THSD7A: variants seen among roughly 807,000 people sequenced by gnomAD.
The protein encoded by THSD7A is thrombospondin type 1 domain containing 7A.
In THSD7A, 96 loss-of-function variants were observed where a neutral mutation model predicts 231.3. The observed-to-expected ratio is 0.41, with a 90% CI of 0.35 to 0.49. The LOEUF is 0.49. Among genes scored for constraint, THSD7A ranks in the 20% least tolerant of loss-of-function variants. The pLI is 0.05. For synonymous variants in THSD7A, 940 were observed against 743.3 expected (o/e 1.26, Z -4.30); for missense variants, 2,290 against 2,070.2 (o/e 1.11, Z -2.06).
chr7:11,806,254 G>T (rs1455869035), intron 1 of THSD7A, among the ~76,000 whole-genome samples: 2 of 152,044 alleles, frequency 1.3e-5, no homozygotes, highest in Non-Finnish European at 2.9e-5. Context: ...ATTTTTCATT[G>T]TGCTCAAACC....
At chr7:11,754,710 C>T (rs981391366) in intron 1 of THSD7A, among the ~76,000 whole-genome samples, 1 of 152,006 alleles carries the variant, frequency 6.6e-6, no homozygotes, top group East Asian at 1.9e-4. Context: ...ATTGTAATGG[C>T]CATATAATGT....
At chr7:11,808,430 C>T (rs759828278) in intron 1 of THSD7A, among the ~76,000 whole-genome samples, 3 of 152,130 alleles carry the variant, frequency 2.0e-5, no homozygotes, top group Non-Finnish European at 4.4e-5. Context: ...ACACCTTGGT[C>T]TTTGACTTCC....
rs192011396 is a variant in THSD7A at position 11,745,152 on chromosome 7, G to A, written c.190+86605C>T. Among the ~76,000 whole-genome samples the A allele has an allele frequency of 1.1e-3, 169 of 152,154 alleles. 4 individuals carry two copies. In the East Asian group the frequency reaches 0.028, roughly 25 times the overall value. ...TCGCCACTCTAACTGGTGTGAGATG[G>A]TATCTCATTGTGGTTTTGATTTGCA... On this transcript the variant is annotated intron_variant, in intron 1 of 27. Transcript: ENST00000423059.
chr7:11,491,944 C>T (rs1456566417), intron 6 of THSD7A, among the ~76,000 whole-genome samples: 4 of 152,002 alleles, frequency 2.6e-5, no homozygotes, highest in Middle Eastern at 3.2e-3. Context: ...GGTTATCTCA[C>T]ACTTTTTTCT....
intron 1 of THSD7A, among the ~76,000 whole-genome samples, chr7:11,746,250 A>T (rs1459720247): frequency 6.6e-6 from 1 of 151,978 alleles, no homozygotes; most frequent in African/African-American, 2.4e-5. Flanking sequence ...CAGAGTTCCC[A>T]TATAGCCCTC....
At chr7:11,807,463 T>C (rs1784427824) in intron 1 of THSD7A, among the ~76,000 whole-genome samples, 1 of 152,158 alleles carries the variant, frequency 6.6e-6, no homozygotes, top group East Asian at 1.9e-4. Context: ...CCTGCTTTCT[T>C]ACAGATGATA....
intron 1 of THSD7A, among the ~76,000 whole-genome samples, chr7:11,662,648 A>G (rs1782973649): frequency 6.6e-6 from 1 of 151,416 alleles, no homozygotes; most frequent in Non-Finnish European, 1.5e-5. Context: ...AACATTGACC[A>G]AGATTGGTCA....
Position 11,590,310 on chromosome 7 carries a change from G to A in THSD7A, c.1453+150C>T. ...TTAAATATTTTCACAACCATAATGT[G>A]GATTACTGTTTACCATAGTGAATAC... On this transcript the variant is annotated intron_variant, in intron 4 of 27. Coordinates refer to ENST00000423059, the MANE Select transcript of THSD7A (RefSeq NM_015204.3). This position sits in a 1 kb window ranked among gnomAD's most constrained non-coding sequence, Gnocchi z 4.4. The A allele has an allele frequency of 3.2e-6, 2 of 630,092 alleles. No individual in the cohort carries two copies. Among genetic ancestry groups the A allele is most frequent in the Non-Finnish European group, 5.0e-6 (2 of 402,130 alleles). 39.0% of individuals were successfully genotyped at this position (630,092 alleles called of 1,614,324 possible).
At chr7:11,543,852 A>G (rs1789257360) in intron 4 of THSD7A, among the ~76,000 whole-genome samples, 1 of 152,088 alleles carries the variant, frequency 6.6e-6, no homozygotes, top group Non-Finnish European at 1.5e-5. Flanking sequence ...TCTTTTGTAT[A>G]TACTTGACAG....
At chr7:11,803,341 G>A (rs1227605275) in intron 1 of THSD7A, among the ~76,000 whole-genome samples, 1 of 152,168 alleles carries the variant, frequency 6.6e-6, no homozygotes, top group Non-Finnish European at 1.5e-5. Flanking sequence ...CACATGTGAT[G>A]TATCAAGTAA....
At chr7:11,641,080 G>A (rs1198168361) in intron 1 of THSD7A, among the ~76,000 whole-genome samples, 1 of 152,036 alleles carries the variant, frequency 6.6e-6, no homozygotes, top group Non-Finnish European at 1.5e-5. Context: ...TAGAAATATT[G>A]ACAAGTGTTA....
Position 11,444,590 on chromosome 7 carries a change from C to A in THSD7A, c.3064+1471G>T, listed in dbSNP as rs1450448821. ...GCACAGGGAGGGGAACATCACACAC[C>A]GGGGTCTGTCAGGGGATGGGGGGCA... On this transcript the variant is annotated intron_variant, in intron 13 of 27. Coordinates refer to ENST00000423059, the MANE Select transcript of THSD7A (RefSeq NM_015204.3). The surrounding 1 kb of genome is among the most constrained non-coding windows in gnomAD (Gnocchi z 4.2). Among the ~76,000 whole-genome samples, 1 of 151,582 alleles carries A rather than the reference C, an allele frequency of 6.6e-6. No homozygotes were observed. Among genetic ancestry groups the A allele is most frequent in the Non-Finnish European group, 1.5e-5 (1 of 67,892 alleles).
At chr7:11,440,860 T>C (rs1160368549) in intron 13 of THSD7A, among the ~76,000 whole-genome samples, 1 of 152,172 alleles carries the variant, frequency 6.6e-6, no homozygotes, top group East Asian at 1.9e-4. Flanking sequence ...AAAGCAGTAG[T>C]AGGGTTTGAG....
rs553940446 is a variant in THSD7A, at chr7:11,583,611, T to G, written c.1453+6849A>C. On this transcript the variant is annotated intron_variant, in intron 4 of 27. Coordinates refer to ENST00000423059, the MANE Select transcript of THSD7A (RefSeq NM_015204.3). ...ATTTCTAATACAGTATTTTCAATCT[T>G]GGGAGTCTAATCTTACTGCTTGTTA... Among the ~76,000 whole-genome samples, 329 of 152,226 alleles carry G rather than the reference T, an allele frequency of 2.2e-3. 1 individual carries two copies. Among genetic ancestry groups the G allele is most frequent in the African/African-American group, 7.6e-3 (314 of 41,540 alleles).
chr7:11,379,319 G>A, intron 25 of THSD7A, 39 bp from the exon 26 acceptor site: 1 of 1,597,180 alleles, frequency 6.3e-7, no homozygotes, highest in Non-Finnish European at 8.6e-7. Context: ...GCCATGCAAG[G>A]AATCTTTGGA....
intron 6 of THSD7A, among the ~76,000 whole-genome samples, chr7:11,509,842 T>C (rs144349604): frequency 0.025 from 2,015 of 81,950 alleles, 82 homozygotes; most frequent in African/African-American, 0.073. Context: ...AAAAATAACA[T>C]CTGAAGAATC....
At chr7:11,778,156 C>CAAAAAAAAAAAAAAAAAAAAA (rs57740181) in intron 1 of THSD7A, among the ~76,000 whole-genome samples, 8 of 45,018 alleles carry the variant, frequency 1.8e-4, no homozygotes, top group South Asian at 1.3e-3. Context: ...GACTCCGTCT[C>CAAAAAAAAAAAAAAAAAAAAA]AAAAAAAAAA....
intron 1 of THSD7A, among the ~76,000 whole-genome samples, chr7:11,675,695 T>C (rs1783612090): frequency 6.6e-6 from 1 of 152,176 alleles, no homozygotes. Context: ...AAAGCCATGG[T>C]AGCCAGACTG....
At chr7:11,391,080 CACTTGAGGAGTCAG>C (rs896488277) in intron 23 of THSD7A, among the ~76,000 whole-genome samples, 1 of 152,168 alleles carries the variant, frequency 6.6e-6, no homozygotes, top group Admixed American at 6.5e-5. Flanking sequence ...GGTCGGGACC[CACTTGAGGAGTCAG>C]TCTGTTCCTT....
Sources: allele counts gnomAD v4.1 joint callset (sites outside exome capture counted in the v4.1 genomes callset), GRCh38; gene constraint gnomAD v4.1.1; non-coding constraint Gnocchi (gnomAD v3.1); transcripts MANE v1.5; gene names NCBI Gene and HGNC (gene_info 2026-07-23, HGNC 2026-07-21).